Variants in ADAM11 observed in about 807,000 individuals in gnomAD.
ADAM11 encodes the protein ADAM metallopeptidase domain 11.
A neutral mutation model predicts 119.1 loss-of-function variants in ADAM11; 49 were observed. That is an observed-to-expected ratio of 0.41 (90% CI 0.33 to 0.52). The LOEUF (loss-of-function observed/expected upper bound fraction) is 0.52. Among genes scored for constraint, ADAM11 ranks in the 20% least tolerant of loss-of-function variants. ADAM11 has a pLI of 0.20. For missense variants in ADAM11, 777 were observed against 1,047.5 expected (o/e 0.74, Z 3.56); for synonymous variants, 364 against 408.0 (o/e 0.89, Z 1.30).
At chr17:44,768,317 G>C (rs1371931711) in intron 2 of ADAM11, among the ~76,000 whole-genome samples, 4 of 152,210 alleles carry the variant, frequency 2.6e-5, no homozygotes, top group Non-Finnish European at 5.9e-5. Context: ...GGGAGCCTTG[G>C]TCAGCCTGGA....
chr17:44,777,860 C>T lies in ADAM11; in HGVS notation c.2067C>T (p.His689=), dbSNP rs772734211. The T allele has an allele frequency of 8.7e-6, 14 of 1,613,546 alleles. No individual in the cohort carries two copies. The East Asian group carries it at 2.5e-4, about 28-fold the overall frequency. The part of the protein sequence containing the change: ...GSGERRICSH[H]GVCSNEGKCI... ...GGGAGCGCCGGATTTGCTCCCACCA[C>T]GGGGTGACTGCCTGGAGCCTGGGAT... Residue 689 remains histidine (H), a synonymous_variant, in exon 23 of 27, where the codon CAC becomes CAT. Coordinates refer to ENST00000200557, the MANE Select transcript of ADAM11 (RefSeq NM_002390.6). The surrounding 1 kb of genome is among the most constrained non-coding windows in gnomAD (Gnocchi z 5.1).
At position 44,775,123 on chromosome 17, in the gene ADAM11, T is replaced by C; in HGVS notation, c.1221-89T>C. 2 of 1,108,888 alleles carry C rather than the reference T, an allele frequency of 1.8e-6. No individual in the cohort carries two copies. The highest frequency in any genetic ancestry group is 2.7e-6 in the Non-Finnish European group (2 of 743,584). The allele number at this position is 1,108,888 out of a possible 1,614,324, so 68.7% of individuals were successfully genotyped here. A position where few individuals can be genotyped will look rare whatever the true frequency, so the allele number is the denominator to read the frequency against. On this transcript the variant is annotated intron_variant, in intron 14 of 26. Transcript: ENST00000200557. This position sits in a 1 kb window ranked among gnomAD's most constrained non-coding sequence, Gnocchi z 7.5. ...CCGCCTCCTCGCGATGGTGACGAAGTCCCCCAGTGTACCCCCTCCCCAGCC... is the reference window on the plus strand; with the variant it reads ...CCGCCTCCTCGCGATGGTGACGAAGCCCCCCAGTGTACCCCCTCCCCAGCC...
intron 2 of ADAM11, 90 bp from the exon 3 acceptor site, chr17:44,769,627 TC>T: frequency 1.4e-6 from 1 of 710,132 alleles, no homozygotes. Context: ...GGCCACCCCT[TC>T]CCCAGGGCTA....
Position 44,777,554 on chromosome 17 carries a change from C to T in ADAM11, c.1854C>T (p.Asp618=). 1 of 1,614,166 alleles carries T rather than the reference C, an allele frequency of 6.2e-7. No individual in the cohort carries two copies. The highest frequency in any genetic ancestry group is 8.5e-7 in the Non-Finnish European group (1 of 1,180,034). ...GAPRLGDLVG[D]ISSVTFYHQG... ...CTCGGCTAGGGGACCTGGTGGGAGACATCAGTAGTGTCACCTTCTACCACC... is the reference window on the plus strand; with the variant it reads ...CTCGGCTAGGGGACCTGGTGGGAGATATCAGTAGTGTCACCTTCTACCACC... Residue 618 remains aspartate (D), a synonymous_variant, in exon 22 of 27, where the codon GAC becomes GAT. Transcript: ENST00000200557. The surrounding 1 kb of genome is among the most constrained non-coding windows in gnomAD (Gnocchi z 5.1).
chr17:44,759,599 A>T (rs988398126), intron 1 of ADAM11, 123 bp from the exon 2 acceptor site: 24 of 1,303,102 alleles, frequency 1.8e-5, no homozygotes, highest in Middle Eastern at 3.0e-4. Context: ...AGATCCTCCC[A>T]CCCGGATCGC....
chr17:44,779,925 C>T lies in ADAM11; in HGVS notation c.*171C>T, dbSNP rs780960431. 3 of 981,828 alleles carry T rather than the reference C, an allele frequency of 3.1e-6. No homozygotes were observed. In the South Asian group the frequency reaches 4.1e-5, roughly 13 times the overall value. 60.8% of individuals were successfully genotyped at this position (981,828 alleles called of 1,614,324 possible). A position where few individuals can be genotyped will look rare whatever the true frequency, so the allele number is the denominator to read the frequency against. ...GGGGGCTGTGGCCCTGCCCTTGGCA[C>T]CACCAGGGTGGACCAGGCCTGGAGG... On this transcript the variant is annotated 3_prime_UTR_variant, in exon 27 of 27. Coordinates refer to ENST00000200557, the MANE Select transcript of ADAM11 (RefSeq NM_002390.6).
rs371821836 is a variant in ADAM11, at chr17:44,778,295, A to G, written c.2276+53A>G. 1.2e-5 allele frequency: 19 copies of G among 1,544,374 alleles called. No homozygotes were observed. The East Asian group carries it at 4.0e-4, about 32-fold the overall frequency. Reference sequence around the variant, plus strand: ...CTGGCATCCTTGAGGGGGGATCAGAATCCCTACTGGTGGAGCTGAGGGGGC... The same window carrying G: ...CTGGCATCCTTGAGGGGGGATCAGAGTCCCTACTGGTGGAGCTGAGGGGGC... On this transcript the variant is annotated intron_variant, in intron 25 of 26. Coordinates refer to ENST00000200557, the MANE Select transcript of ADAM11 (RefSeq NM_002390.6).
rs1311563582 is a variant in ADAM11, at chr17:44,777,323, A to G, written c.1781+58A>G. 3.2e-6 allele frequency: 5 copies of G among 1,554,968 alleles called. No homozygotes were observed. Among genetic ancestry groups the G allele is most frequent in the African/African-American group, 1.4e-5 (1 of 73,582 alleles). ...CTCCAGGGCAGGTGTGAGACTTTTC[A>G]GAGATGGGGCAGCAGGTTCTCCCAG... On this transcript the variant is annotated intron_variant, in intron 21 of 26. Transcript: ENST00000200557. The surrounding 1 kb of genome is among the most constrained non-coding windows in gnomAD (Gnocchi z 5.1).
At position 44,773,466 on chromosome 17, in the gene ADAM11, A is replaced by G; in HGVS notation, c.992+39A>G. ...CCTGCACCTCCTGCCAGCCTCTGCT[A>G]GTTGCTACAGTGCTTGGGATTACTT... On this transcript the variant is annotated intron_variant, in intron 11 of 26. Coordinates refer to ENST00000200557, the MANE Select transcript of ADAM11 (RefSeq NM_002390.6). This position sits in a 1 kb window ranked among gnomAD's most constrained non-coding sequence, Gnocchi z 4.6. 2 of 1,600,032 alleles carry G rather than the reference A, an allele frequency of 1.2e-6. No individual in the cohort carries two copies. Among genetic ancestry groups the G allele is most frequent in the Non-Finnish European group, 1.7e-6 (2 of 1,172,500 alleles).
At chr17:44,764,946 C>T (rs936789356) in intron 2 of ADAM11, among the ~76,000 whole-genome samples, 4 of 151,958 alleles carry the variant, frequency 2.6e-5, no homozygotes, top group Non-Finnish European at 4.4e-5. Flanking sequence ...GGGTGGGGTC[C>T]AGGGGAGAAA....
chr17:44,779,275 G>A lies in ADAM11; in HGVS notation c.2294+36G>A, dbSNP rs764583150. 17 of 1,555,020 alleles carry A rather than the reference G, an allele frequency of 1.1e-5. No homozygotes were observed. In the East Asian group the frequency reaches 1.3e-4, roughly 12 times the overall value. ...ACCCAGCAGGGGGCAGTGTGATGCC[G>A]GCCACGTCATCCCTCCCGCTGTCCT... is the stretch of plus-strand genomic sequence containing the variant. On this transcript the variant is annotated intron_variant, in intron 26 of 26. Transcript: ENST00000200557.
Position 44,773,331 on chromosome 17 carries a change from T to C in ADAM11, c.896T>C (p.Ile299Thr). The part of the protein sequence containing the change: ...AMETWADGDK[I>T]QVQDDLLETL... ...GAAACATGGGCAGATGGGGACAAGA[T>C]CCAGGTGCAGGATGACCTCCTGGAG... Residue 299 changes from isoleucine to threonine, a missense_variant, in exon 11 of 27, where the codon ATC becomes ACC. Physicochemically the swap from Ile to Thr is moderately conservative, Grantham distance 89. Around this residue, in one of 4 missense-constraint regions of ADAM11, gnomAD observed 147 missense variants for 223.3 expected, o/e 0.66. Coordinates refer to ENST00000200557, the MANE Select transcript of ADAM11 (RefSeq NM_002390.6). The surrounding 1 kb of genome is among the most constrained non-coding windows in gnomAD (Gnocchi z 4.6). The C allele has an allele frequency of 6.2e-7, 1 of 1,613,932 alleles. No homozygotes were observed.
intron 2 of ADAM11, among the ~76,000 whole-genome samples, chr17:44,768,180 A>G (rs2049474114): frequency 1.3e-5 from 2 of 152,220 alleles, no homozygotes; most frequent in South Asian, 4.2e-4. Flanking sequence ...AACAAGCAGG[A>G]ACAGTCCCAG....
At position 44,769,817 on chromosome 17, in the gene ADAM11, G is replaced by A. The variant is rs753762290; in HGVS notation, c.314+23G>A. ...CCAGTGAGTGTGGCCTTGAGCCCAA[G>A]AGGAAGGGCAGTGGTGGGGCGGGGG... On this transcript the variant is annotated intron_variant, in intron 3 of 26. Coordinates refer to ENST00000200557, the MANE Select transcript of ADAM11 (RefSeq NM_002390.6). 15 of 1,612,428 alleles carry A rather than the reference G, an allele frequency of 9.3e-6. No individual in the cohort carries two copies. In the African/African-American group the frequency reaches 1.1e-4, roughly 11 times the overall value.
At position 44,776,997 on chromosome 17, in the gene ADAM11, G is replaced by A; in HGVS notation, c.1681+35G>A. ...GCTAGGGCTGGGAGTGGGGACTCCG[G>A]AGGACCCAGAGCTGAGAAGCTGGGG... On this transcript the variant is annotated intron_variant, in intron 20 of 26. Coordinates refer to ENST00000200557, the MANE Select transcript of ADAM11 (RefSeq NM_002390.6). The surrounding 1 kb of genome is among the most constrained non-coding windows in gnomAD (Gnocchi z 5.2). 1.5e-5 allele frequency: 24 copies of A among 1,600,128 alleles called. No homozygotes were observed. Among genetic ancestry groups the A allele is most frequent in the Non-Finnish European group, 1.9e-5 (22 of 1,169,546 alleles).
At chr17:44,761,996 G>A (rs1181291091) in intron 2 of ADAM11, among the ~76,000 whole-genome samples, 1 of 151,738 alleles carries the variant, frequency 6.6e-6, no homozygotes, top group Admixed American at 6.6e-5. Flanking sequence ...CTAATTTTTT[G>A]TATTTTTAGT....
At chr17:44,766,581 G>T (rs1180912877) in intron 2 of ADAM11, among the ~76,000 whole-genome samples, 3 of 152,194 alleles carry the variant, frequency 2.0e-5, no homozygotes, top group Non-Finnish European at 4.4e-5. Flanking sequence ...TCCAGCCCCA[G>T]GGTGAGATCC....
Position 44,780,059 on chromosome 17 carries a change from G to A in ADAM11, c.*305G>A. On this transcript the variant is annotated 3_prime_UTR_variant, in exon 27 of 27. Coordinates refer to ENST00000200557, the MANE Select transcript of ADAM11 (RefSeq NM_002390.6). ...ATGGATTGCCACAGCTCAACTCGGG[G>A]GCGCCTGGAGGGATGCCCCCAGGCA... The A allele has an allele frequency of 1.5e-6, 1 of 682,548 alleles. No homozygotes were observed. Among genetic ancestry groups the A allele is most frequent in the Non-Finnish European group, 2.7e-6 (1 of 371,878 alleles). 42.3% of individuals were successfully genotyped at this position (682,548 alleles called of 1,614,324 possible).
At position 44,772,386 on chromosome 17, in the gene ADAM11, C is replaced by T; in HGVS notation, c.611-13C>T. ...GGGCCGGCTGTGCCCCCCTCACCTG[C>T]CCCTCCCCACAGGCTGCCTGTTTGC... On this transcript the variant is annotated splice_polypyrimidine_tract_variant and intron_variant, in intron 7 of 26. Transcript: ENST00000200557. This position sits in a 1 kb window ranked among gnomAD's most constrained non-coding sequence, Gnocchi z 4.5. 1.3e-6 allele frequency: 2 copies of T among 1,579,074 alleles called. No individual in the cohort carries two copies. The highest frequency in any genetic ancestry group is 1.1e-5 in the South Asian group (1 of 87,100).
Sources: allele counts gnomAD v4.1 joint callset (sites outside exome capture counted in the v4.1 genomes callset), GRCh38; gene constraint gnomAD v4.1.1; regional missense constraint gnomAD v4.1.1; non-coding constraint Gnocchi (gnomAD v3.1); transcripts MANE v1.5; gene names NCBI Gene and HGNC (gene_info 2026-07-23, HGNC 2026-07-21).